ZMYM4: variants seen among roughly 807,000 people sequenced by gnomAD.
ZMYM4 encodes the protein zinc finger MYM-type protein 4.
In ZMYM4, 31 loss-of-function variants were observed where a neutral mutation model predicts 183.2. That is an observed-to-expected ratio of 0.17 (90% CI 0.13 to 0.23). ZMYM4 has a LOEUF of 0.23. Ranked by LOEUF, ZMYM4 falls within the 10% of genes least tolerant of loss-of-function variation. ZMYM4 has a pLI of 1.00. For missense variants in ZMYM4, 1,273 were observed against 1,840.3 expected (o/e 0.69, Z 5.64); for synonymous variants, 592 against 631.2 (o/e 0.94, Z 0.93).
chr1:35,392,197 G>C lies in ZMYM4; in HGVS notation c.2588-15G>C, dbSNP rs1338604202. 4 of 1,612,502 alleles carry C rather than the reference G, an allele frequency of 2.5e-6. No homozygotes were observed. The Admixed American group carries it at 6.7e-5, about 27-fold the overall frequency. On this transcript the variant is annotated splice_polypyrimidine_tract_variant and intron_variant, in intron 15 of 29. Transcript: ENST00000314607. ...AATCACGTGAGGTTTCCTTATTTTT[G>C]TTTATTTTAATCAGCAAATATTTCC...
At chr1:35,306,236 A>G (rs574491033) in intron 1 of ZMYM4, among the ~76,000 whole-genome samples, 43 of 152,180 alleles carry the variant, frequency 2.8e-4, no homozygotes, top group South Asian at 1.7e-3. Flanking sequence ...CTTTTAAGTT[A>G]TTATCTTTAA....
intron 22 of ZMYM4, 129 bp downstream of exon 22, chr1:35,399,172 C>A: frequency 1.0e-6 from 1 of 985,518 alleles, no homozygotes; most frequent in Non-Finnish European, 1.5e-6. Context: ...AGGTCATAAT[C>A]TAGAGCACAA....
At position 35,284,390 on chromosome 1, in the gene ZMYM4, T is replaced by C. The variant is rs116968937; in HGVS notation, c.39+15305T>C. Among the ~76,000 whole-genome samples the C allele has an allele frequency of 5.4e-4, 83 of 152,358 alleles. 2 individuals carry two copies. In the East Asian group the frequency reaches 0.016, roughly 29 times the overall value. ...CTAAGTTCATGTAGATTTTTCCCTA[T>C]GTTTTCTTCTAAGAGTTTTAGTGTT... On this transcript the variant is annotated intron_variant, in intron 1 of 29. Coordinates refer to ENST00000314607, the MANE Select transcript of ZMYM4 (RefSeq NM_005095.3).
At chr1:35,298,545 C>T (rs1255580845) in intron 1 of ZMYM4, among the ~76,000 whole-genome samples, 2 of 152,148 alleles carry the variant, frequency 1.3e-5, no homozygotes, top group Admixed American at 1.3e-4. Flanking sequence ...TTCTGGAGTG[C>T]TGACAAAACT....
intron 1 of ZMYM4, among the ~76,000 whole-genome samples, chr1:35,301,886 A>G (rs996817462): frequency 2.6e-5 from 4 of 152,146 alleles, no homozygotes; most frequent in African/African-American, 4.8e-5. Flanking sequence ...AAACTCTCAG[A>G]TGGTAAGCTG....
chr1:35,329,440 A>G (rs888855120), intron 2 of ZMYM4, among the ~76,000 whole-genome samples: 5 of 152,226 alleles, frequency 3.3e-5, no homozygotes, highest in African/African-American at 1.2e-4. Flanking sequence ...TTTATTTAAT[A>G]TATTCAGATA....
chr1:35,277,716 C>T (rs1002812944), intron 1 of ZMYM4, among the ~76,000 whole-genome samples: 8 of 151,932 alleles, frequency 5.3e-5, no homozygotes, highest in African/African-American at 1.9e-4. Context: ...TATTTGGTTA[C>T]CTTGTAATAC....
Position 35,368,499 on chromosome 1 carries a change from T to C in ZMYM4, c.841-1530T>C, listed in dbSNP as rs185232972. 8.5e-5 allele frequency among the ~76,000 whole-genome samples: 13 copies of C among 152,310 alleles called. 2 individuals carry two copies. The highest frequency in any genetic ancestry group is 2.6e-4 in the African/African-American group (11 of 41,584). ...AATAGTGTTCCATTATAATGTACTTTTTGTAAATGAACATTAAAAATAGCT... is the reference window on the plus strand; with the variant it reads ...AATAGTGTTCCATTATAATGTACTTCTTGTAAATGAACATTAAAAATAGCT... On this transcript the variant is annotated intron_variant, in intron 5 of 29. Transcript: ENST00000314607.
At chr1:35,362,483 A>G (rs1220000231) in intron 5 of ZMYM4, among the ~76,000 whole-genome samples, 1 of 152,246 alleles carries the variant, frequency 6.6e-6, no homozygotes, top group East Asian at 1.9e-4. Flanking sequence ...TGCTGCAATC[A>G]TTTTGAAGTG....
intron 9 of ZMYM4, among the ~76,000 whole-genome samples, chr1:35,383,451 T>C (rs1429265125): frequency 6.6e-6 from 1 of 152,184 alleles, no homozygotes. Flanking sequence ...TAAAACCTTG[T>C]AGTAATTTTG....
intron 23 of ZMYM4, among the ~76,000 whole-genome samples, chr1:35,400,957 T>C (rs1271359199): frequency 1.3e-5 from 2 of 152,244 alleles, no homozygotes; most frequent in Non-Finnish European, 2.9e-5. Flanking sequence ...GATTCCTTTT[T>C]ATTTCTGAGT....
At chr1:35,360,380 T>C (rs1184110153) in intron 3 of ZMYM4, among the ~76,000 whole-genome samples, 1 of 152,092 alleles carries the variant, frequency 6.6e-6, no homozygotes, top group East Asian at 1.9e-4. Context: ...AAATGTTCAA[T>C]AGCTGTGAAG....
At chr1:35,333,294 G>A (rs1378192416) in intron 2 of ZMYM4, among the ~76,000 whole-genome samples, 2 of 130,358 alleles carry the variant, frequency 1.5e-5, no homozygotes, top group Non-Finnish European at 3.1e-5. Context: ...GTCTTGCTCT[G>A]TTGCCCAGGT....
At chr1:35,371,109 G>GTGTA (rs1644202764) in intron 7 of ZMYM4, among the ~76,000 whole-genome samples, 1 of 40,652 alleles carries the variant, frequency 2.5e-5, no homozygotes, top group Non-Finnish European at 4.7e-5. Flanking sequence ...GTGTGTGTGC[G>GTGTA]CACATTTATT....
chr1:35,326,478 G>C (rs975182031), intron 2 of ZMYM4, among the ~76,000 whole-genome samples: 1 of 152,120 alleles, frequency 6.6e-6, no homozygotes, highest in Non-Finnish European at 1.5e-5. Context: ...TAATAAACAT[G>C]ATGGGCTCAC....
At chr1:35,373,268 AC>A (rs1644255198) in intron 7 of ZMYM4, among the ~76,000 whole-genome samples, 1 of 149,258 alleles carries the variant, frequency 6.7e-6, no homozygotes. Context: ...ACACACCCAC[AC>A]CCCCCACAAG....
chr1:35,302,155 C>T (rs762701120), intron 1 of ZMYM4, among the ~76,000 whole-genome samples: 18 of 145,740 alleles, frequency 1.2e-4, no homozygotes, highest in Non-Finnish European at 2.4e-4. Flanking sequence ...AAATTCTAGT[C>T]GGTAGCCTAT....
At chr1:35,382,995 C>G (rs1394953541) in intron 9 of ZMYM4, among the ~76,000 whole-genome samples, 1 of 152,046 alleles carries the variant, frequency 6.6e-6, no homozygotes, top group Non-Finnish European at 1.5e-5. Flanking sequence ...ACCAGATAAT[C>G]AAAATTATAT....
intron 2 of ZMYM4, among the ~76,000 whole-genome samples, chr1:35,338,236 C>A (rs934304898): frequency 6.6e-6 from 1 of 152,200 alleles, no homozygotes; most frequent in African/African-American, 2.4e-5. Flanking sequence ...ACATTCTCAA[C>A]TTTGCTAGAA....
Sources: allele counts gnomAD v4.1 joint callset (sites outside exome capture counted in the v4.1 genomes callset), GRCh38; gene constraint gnomAD v4.1.1; transcripts MANE v1.5; gene names NCBI Gene and HGNC (gene_info 2026-07-23, HGNC 2026-07-21).